UVRAG: variants seen among roughly 807,000 people sequenced by gnomAD.
UVRAG encodes the protein UV radiation resistance-associated gene protein.
A neutral mutation model predicts 78.0 loss-of-function variants in UVRAG; 19 were observed. The ratio of observed to expected loss-of-function variants is 0.24; its 90% CI spans 0.17 to 0.36. The LOEUF (loss-of-function observed/expected upper bound fraction) is 0.36. UVRAG is among the 10% of genes least tolerant of loss of function. The pLI, the probability that UVRAG is intolerant of heterozygous loss-of-function variation, is 1.00. For synonymous variants in UVRAG, 323 were observed against 324.6 expected (o/e 1.00, Z 0.05); for missense variants, 740 against 853.8 (o/e 0.87, Z 1.66).
chr11:75,938,724 A>T (rs1948427138), intron 6 of UVRAG, among the ~76,000 whole-genome samples: 1 of 151,932 alleles, frequency 6.6e-6, no homozygotes, highest in Non-Finnish European at 1.5e-5. Context: ...ATCCTTTTAG[A>T]TTGTCCTTTT....
intron 13 of UVRAG, among the ~76,000 whole-genome samples, chr11:76,089,695 C>T (rs538655518): frequency 6.6e-6 from 1 of 152,114 alleles, no homozygotes; most frequent in Non-Finnish European, 1.5e-5. Context: ...CCAGAGGTAA[C>T]GACTTTCAAC....
chr11:75,835,615 A>G (rs1465957382), intron 1 of UVRAG, among the ~76,000 whole-genome samples: 1 of 152,186 alleles, frequency 6.6e-6, no homozygotes, highest in Non-Finnish European at 1.5e-5. Flanking sequence ...AGTACTTTAT[A>G]ATATATATTT....
intron 12 of UVRAG, among the ~76,000 whole-genome samples, chr11:76,029,776 G>C (rs1456266713): frequency 6.6e-6 from 1 of 152,176 alleles, no homozygotes; most frequent in Non-Finnish European, 1.5e-5. Flanking sequence ...GACTCCAATT[G>C]TAAAAGAAGT....
intron 13 of UVRAG, among the ~76,000 whole-genome samples, chr11:76,105,906 T>TA (rs1235166960): frequency 6.6e-6 from 1 of 152,172 alleles, no homozygotes; most frequent in Admixed American, 6.6e-5. Flanking sequence ...ATGAAAAACT[T>TA]ATATAATCAC....
At chr11:75,859,615 A>T (rs952510709) in intron 2 of UVRAG, among the ~76,000 whole-genome samples, 2 of 152,172 alleles carry the variant, frequency 1.3e-5, no homozygotes, top group Non-Finnish European at 2.9e-5. Flanking sequence ...AAAGATGAAG[A>T]AATTGTGGGC....
chr11:75,841,193 A>C (rs990986700), intron 1 of UVRAG, among the ~76,000 whole-genome samples: 3 of 152,202 alleles, frequency 2.0e-5, no homozygotes, highest in Non-Finnish European at 1.5e-5. Context: ...AGTGGGAATG[A>C]AATAAGGTGT....
intron 12 of UVRAG, among the ~76,000 whole-genome samples, chr11:76,040,472 A>C (rs1212869341): frequency 7.1e-6 from 1 of 141,322 alleles, no homozygotes; most frequent in Admixed American, 7.1e-5. Context: ...ACTCCATCTC[A>C]AAAAAAAAAA....
At chr11:75,929,972 A>G (rs1027322509) in intron 6 of UVRAG, among the ~76,000 whole-genome samples, 1 of 152,190 alleles carries the variant, frequency 6.6e-6, no homozygotes, top group African/African-American at 2.4e-5. Context: ...GCACATAGAA[A>G]GTATTCTGTG....
intron 2 of UVRAG, among the ~76,000 whole-genome samples, chr11:75,861,433 C>A (rs749417004): frequency 2.0e-5 from 3 of 151,944 alleles, no homozygotes; most frequent in Admixed American, 6.6e-5. Flanking sequence ...AGGGTGGAAG[C>A]GGGGAAGGAA....
chr11:76,059,194 A>G (rs914476064), intron 12 of UVRAG, among the ~76,000 whole-genome samples: 4 of 152,242 alleles, frequency 2.6e-5, no homozygotes, highest in African/African-American at 9.6e-5. Context: ...CTCACAAGAT[A>G]CTTGTGAAGA....
intron 13 of UVRAG, among the ~76,000 whole-genome samples, chr11:76,076,607 C>T (rs1481998554): frequency 6.6e-6 from 1 of 152,114 alleles, no homozygotes; most frequent in Non-Finnish European, 1.5e-5. Context: ...GTTCCAATTG[C>T]TCTGTATCCT....
At chr11:76,054,505 T>G (rs58623526) in intron 12 of UVRAG, among the ~76,000 whole-genome samples, 3 of 152,110 alleles carry the variant, frequency 2.0e-5, no homozygotes, top group Admixed American at 6.5e-5. Context: ...GGACCCTGCA[T>G]GATGTAAACC....
intron 14 of UVRAG, among the ~76,000 whole-genome samples, chr11:76,129,018 C>G (rs1952467099): frequency 6.6e-6 from 1 of 152,222 alleles, no homozygotes; most frequent in South Asian, 2.1e-4. Flanking sequence ...AAACCAGGCA[C>G]TCTTCCAAAG....
intron 8 of UVRAG, among the ~76,000 whole-genome samples, chr11:75,999,370 G>GT (rs1420263521): frequency 3.3e-5 from 5 of 151,524 alleles, no homozygotes; most frequent in South Asian, 2.1e-4. Context: ...TTTTTCAGTT[G>GT]TTTTTTTGTT....
intron 3 of UVRAG, among the ~76,000 whole-genome samples, chr11:75,876,182 AT>A (rs1346400753): frequency 6.6e-6 from 1 of 152,144 alleles, no homozygotes; most frequent in African/African-American, 2.4e-5. Flanking sequence ...TATTTAAAAA[AT>A]ATTTTACCTG....
At chr11:76,103,827 C>CT (rs1331726100) in intron 13 of UVRAG, among the ~76,000 whole-genome samples, 1 of 151,812 alleles carries the variant, frequency 6.6e-6, no homozygotes, top group Non-Finnish European at 1.5e-5. Flanking sequence ...GATTAAGAGG[C>CT]TGTAGGGATT....
intron 10 of UVRAG, among the ~76,000 whole-genome samples, chr11:76,008,424 T>C (rs1949991494): frequency 6.6e-6 from 1 of 152,192 alleles, no homozygotes; most frequent in African/African-American, 2.4e-5. Flanking sequence ...TCTGCTAAAT[T>C]TGATAGTTTT....
chr11:76,010,199 CT>C (rs1423942138), intron 11 of UVRAG, among the ~76,000 whole-genome samples: 1 of 152,156 alleles, frequency 6.6e-6, no homozygotes, highest in African/African-American at 2.4e-5. Flanking sequence ...ATATTGAGTA[CT>C]TTTGTCCCGT....
intron 1 of UVRAG, among the ~76,000 whole-genome samples, chr11:75,838,489 C>A (rs993884096): frequency 6.6e-6 from 1 of 151,948 alleles, no homozygotes; most frequent in Non-Finnish European, 1.5e-5. Context: ...AGGCATGCAC[C>A]ACCACACCCA....
Sources: gnomAD v4.1 joint callset for allele counts (sites outside exome capture counted in the v4.1 genomes callset) on GRCh38, gnomAD v4.1.1 for gene constraint, MANE v1.5 for transcripts, NCBI Gene and HGNC (gene_info 2026-07-23, HGNC 2026-07-21) for gene names.